The following PHYHD1 variants were observed in gnomAD, a reference collection of about 807,000 sequenced individuals.
PHYHD1 encodes the protein phytanoyl-CoA dioxygenase domain-containing protein 1.
A neutral mutation model predicts 43.6 loss-of-function variants in PHYHD1; 42 were observed. The ratio of observed to expected loss-of-function variants is 0.96; its 90% CI spans 0.75 to 1.25. The LOEUF is 1.25. Among genes scored for constraint, PHYHD1 ranks in the 50% most tolerant of loss-of-function variants. PHYHD1 has a pLI of 0.00. For synonymous variants in PHYHD1, 139 were observed against 143.6 expected (o/e 0.97, Z 0.23); for missense variants, 342 against 370.8 (o/e 0.92, Z 0.64).
intron 9 of PHYHD1, 41 bp from the exon 10 acceptor site, chr9:128,940,328 G>A (rs1841524184): frequency 6.2e-7 from 1 of 1,610,518 alleles, no homozygotes; most frequent in Non-Finnish European, 8.5e-7. Context: ...GGTGGAAACA[G>A]GCAAAAGGAT....
chr9:128,940,697 C>T lies in PHYHD1; in HGVS notation c.685C>T (p.Pro229Ser). 1.2e-6 allele frequency: 2 copies of T among 1,613,480 alleles called. No individual in the cohort carries two copies. Among genetic ancestry groups the T allele is most frequent in the Non-Finnish European group, 1.7e-6 (2 of 1,179,984 alleles). The change falls in exon 11 of 13, where the codon CCC (proline) becomes TCC (serine). Residue 229 changes from proline to serine, a missense_variant. Pro to Ser is a moderately conservative substitution (Grantham distance 74). Transcript: ENST00000372592. ...AGCCCGGGATAACAGCCTCTTTGTG[C>T]CCACCCCAGTGCAGAGAGGTAGGCA... ...EPARDNSLFV[P>S]TPVQRGALVL...
chr9:128,932,163 A>ATTTTTTTTTTTTTTTTTTTTT, intron 4 of PHYHD1, among the ~76,000 whole-genome samples: 1 of 125,348 alleles, frequency 8.0e-6, no homozygotes, highest in African/African-American at 3.4e-5. Context: ...TATTATTATT[A>ATTTTTTTTTTTTTTTTTTTTT]TTATTGTTAT....
rs771797753 is a variant in PHYHD1 at position 128,922,341 on chromosome 9, C to T, written c.18C>T (p.Pro6=). 9 of 1,550,328 alleles carry T rather than the reference C, an allele frequency of 5.8e-6. No individual in the cohort carries two copies. In the Admixed American group the frequency reaches 5.9e-5, roughly 10 times the overall value. ...GCGTCTCCATGGCCTGCCTGAGCCC[C>T]TCGCAGCTCCAGAAGGTAGGAGCCT... MACLS[P]SQLQKFQQDG... is the part of the protein sequence containing the mutation. Residue 6 remains proline (P), a synonymous_variant, in exon 3 of 13, where the codon CCC becomes CCT. Transcript: ENST00000372592.
chr9:128,931,014 C>T lies in PHYHD1; in HGVS notation c.193-2768C>T, dbSNP rs1841262980. Reference sequence around the variant, plus strand: ...AAAATGGAGATTATAGTAGACCCTACCTCTCTGGGTTTTGGGAGGCTGAGT... The same window carrying T: ...AAAATGGAGATTATAGTAGACCCTATCTCTCTGGGTTTTGGGAGGCTGAGT... On this transcript the variant is annotated intron_variant, in intron 4 of 12. Transcript: ENST00000372592. 2.0e-5 allele frequency among the ~76,000 whole-genome samples: 3 copies of T among 151,672 alleles called. No homozygotes were observed. The South Asian group carries it at 6.2e-4, about 32-fold the overall frequency.
chr9:128,925,297 C>T (rs1322715390), intron 3 of PHYHD1, among the ~76,000 whole-genome samples: 1 of 151,308 alleles, frequency 6.6e-6, no homozygotes, highest in Non-Finnish European at 1.5e-5. Flanking sequence ...GTGATCTCAG[C>T]TCACTGCAAC....
At position 128,941,519 on chromosome 9, in the gene PHYHD1, T is replaced by C; in HGVS notation, c.778T>C (p.Tyr260His). 6.2e-7 allele frequency: 1 copy of C among 1,614,090 alleles called. No homozygotes were observed. Among genetic ancestry groups the C allele is most frequent in the Middle Eastern group, 1.6e-4 (1 of 6,062 alleles). Residue 260 changes from tyrosine to histidine, a missense_variant, in exon 12 of 13, where the codon TAC becomes CAC. Tyr to His is a moderately conservative substitution (Grantham distance 83). Coordinates refer to ENST00000372592, the MANE Select transcript of PHYHD1 (RefSeq NM_001100876.2). ...CCTCTCTGACCGCTCGCGCCAGGCC[T>C]ACACTTTCCACCTCATGGAGGCCTC... ...QNLSDRSRQA[Y>H]TFHLMEASGT...
intron 3 of PHYHD1, among the ~76,000 whole-genome samples, chr9:128,924,911 G>T (rs1841096224): frequency 6.6e-6 from 1 of 152,118 alleles, no homozygotes; most frequent in Admixed American, 6.6e-5. Flanking sequence ...CTCCAGCCTG[G>T]GCAACAAGAG....
Position 128,933,929 on chromosome 9 carries a change from T to G in PHYHD1, c.268+72T>G, listed in dbSNP as rs1443244990. On this transcript the variant is annotated intron_variant, in intron 5 of 12. Coordinates refer to ENST00000372592, the MANE Select transcript of PHYHD1 (RefSeq NM_001100876.2). ...AGGCTGGACCTGGGAATCTGCCCCC[T>G]GGGCTGGAAGCATGCTGAAGCCAGC... is the stretch of plus-strand genomic sequence containing the variant. The G allele has an allele frequency of 1.9e-6, 3 of 1,605,010 alleles. No individual in the cohort carries two copies. In the East Asian group the frequency reaches 6.7e-5, roughly 36 times the overall value.
intron 9 of PHYHD1, among the ~76,000 whole-genome samples, chr9:128,939,689 C>T (rs1229334245): frequency 1.8e-5 from 2 of 110,540 alleles, no homozygotes; most frequent in African/African-American, 7.4e-5. Context: ...GAGTCTTGCT[C>T]TGTCACCCAG....
At chr9:128,926,548 CTTTT>C (rs902422300) in intron 3 of PHYHD1, among the ~76,000 whole-genome samples, 3 of 139,560 alleles carry the variant, frequency 2.1e-5, no homozygotes, top group African/African-American at 7.8e-5. Flanking sequence ...CTTCCTTTTT[CTTTT>C]TCTTTCTTTT....
chr9:128,934,130 T>G, intron 6 of PHYHD1, 72 bp downstream of exon 6: 1 of 1,486,774 alleles, frequency 6.7e-7, no homozygotes, highest in Non-Finnish European at 9.3e-7. Context: ...ACACTTGTAA[T>G]CCTAACTAAC....
Position 128,934,067 on chromosome 9 carries a change from G to A in PHYHD1, c.316+9G>A, listed in dbSNP as rs1841365208. On this transcript the variant is annotated intron_variant, in intron 6 of 12. Coordinates refer to ENST00000372592, the MANE Select transcript of PHYHD1 (RefSeq NM_001100876.2). ...CAACAAAATTGGCCACGGTGAGCAG[G>A]GGCTTGGGGGTACAGGAAAGAAGAT... The A allele has an allele frequency of 1.2e-6, 2 of 1,613,052 alleles. No individual in the cohort carries two copies. Among genetic ancestry groups the A allele is most frequent in the East Asian group, 4.5e-5 (2 of 44,868 alleles).
At chr9:128,935,542 G>A (rs1841402018) in intron 6 of PHYHD1, among the ~76,000 whole-genome samples, 2 of 142,158 alleles carry the variant, frequency 1.4e-5, no homozygotes, top group Middle Eastern at 3.5e-3. Flanking sequence ...CTGGGCAACA[G>A]AGCGAAACTC....
At chr9:128,932,314 G>A (rs1466355878) in intron 4 of PHYHD1, among the ~76,000 whole-genome samples, 1 of 151,284 alleles carries the variant, frequency 6.6e-6, no homozygotes, top group Admixed American at 6.6e-5. Context: ...GAGTAGTTGG[G>A]ATTACAACAG....
At chr9:128,933,968 C>G (rs1359502681) in intron 5 of PHYHD1, 43 bp from the exon 6 acceptor site, 1 of 1,610,970 alleles carries the variant, frequency 6.2e-7, no homozygotes, top group Non-Finnish European at 8.5e-7. Context: ...CCATGGAAGG[C>G]TGGACACCAG....
At chr9:128,934,632 G>T (rs748296454) in intron 6 of PHYHD1, among the ~76,000 whole-genome samples, 38 of 151,998 alleles carry the variant, frequency 2.5e-4, no homozygotes, top group Middle Eastern at 6.8e-3. Context: ...GCTGAATATG[G>T]TTGCGCATGC....
Position 128,936,516 on chromosome 9 carries a change from G to C in PHYHD1, c.372+13G>C. On this transcript the variant is annotated intron_variant, in intron 7 of 12. Transcript: ENST00000372592. Reference sequence around the variant, plus strand: ...CTTCAAGGTGCAGGTGAGCAGAGGTGGGGGTGAGGGCCAGGAGGGTGGGCC... The same window carrying C: ...CTTCAAGGTGCAGGTGAGCAGAGGTCGGGGTGAGGGCCAGGAGGGTGGGCC... 6.2e-7 allele frequency: 1 copy of C among 1,613,592 alleles called. No homozygotes were observed. The highest frequency in any genetic ancestry group is 8.5e-7 in the Non-Finnish European group (1 of 1,179,854).
At chr9:128,936,667 C>A in intron 8 of PHYHD1, 22 bp downstream of exon 8, 1 of 1,550,820 alleles carries the variant, frequency 6.4e-7, no homozygotes, top group Non-Finnish European at 8.7e-7. Flanking sequence ...GTCCTTGCCT[C>A]AGTTTACCAT....
chr9:128,921,713 A>C (rs1303992130), intron 1 of PHYHD1, 45 bp downstream of exon 1: 1 of 152,238 alleles, frequency 6.6e-6, no homozygotes, highest in East Asian at 1.9e-4. Context: ...CCTTCCTCCT[A>C]CTAAGATACC....
Sources: allele counts gnomAD v4.1 joint callset (sites outside exome capture counted in the v4.1 genomes callset), GRCh38; gene constraint gnomAD v4.1.1; transcripts MANE v1.5; gene names NCBI Gene and HGNC (gene_info 2026-07-23, HGNC 2026-07-21).